Variants in PCDHGA3 observed in about 807,000 individuals in gnomAD.
The protein encoded by PCDHGA3 is protocadherin gamma-A3.
Under a neutral mutation model 58.5 loss-of-function variants are expected in PCDHGA3, and 40 were observed. The observed-to-expected ratio is 0.68, with a 90% CI of 0.53 to 0.89. The LOEUF is 0.89. PCDHGA3 is among the 40% of genes least tolerant of loss of function. PCDHGA3 has a pLI of 0.00. For synonymous variants in PCDHGA3, 530 were observed against 525.7 expected, an observed-to-expected ratio of 1.01 and a Z score of -0.11; for missense variants, 1,223 against 1,195.9, an observed-to-expected ratio of 1.02 and a Z score of -0.33.
At position 141,423,606 on chromosome 5, in the gene PCDHGA3, G is replaced by A. The variant is rs945897368; in HGVS notation, c.2425-71201G>A. 9 of 1,612,046 alleles carry A rather than the reference G, an allele frequency of 5.6e-6. No individual in the cohort carries two copies. In the Admixed American group the frequency reaches 1.0e-4, roughly 18 times the overall value. On this transcript the variant is annotated intron_variant, in intron 1 of 3. Transcript: ENST00000253812. ...GCTGTGAGAAAAGCGAGCCACTCTT[G>A]ATAGCTGAAGACTCAGCTATCATTT...
At chr5:141,351,673 C>A in intron 1 of PCDHGA3, 3 of 1,614,004 alleles carry the variant, frequency 1.9e-6, no homozygotes, top group South Asian at 1.1e-5. Flanking sequence ...CACAAGTAAG[C>A]GCCTCCGACC....
In PCDHGA3 at chr5:141,489,365, G is replaced by A. The variant is rs774363104; in HGVS notation, c.2425-5442G>A. ...TCAGTGGTGGAGGAGTCTGAGCCGG[G>A]GACGCTGGTGGGGAATGTTGCTCAG... On this transcript the variant is annotated intron_variant, in intron 1 of 3. Transcript: ENST00000253812. The surrounding 1 kb of genome is among the most constrained non-coding windows in gnomAD (Gnocchi z 4.5). The A allele has an allele frequency of 6.2e-7, 1 of 1,613,512 alleles. No individual in the cohort carries two copies.
At chr5:141,394,847 G>T in intron 1 of PCDHGA3, 1 of 1,613,848 alleles carries the variant, frequency 6.2e-7, no homozygotes, top group South Asian at 1.1e-5. Context: ...TGGGCAGTCT[G>T]AAGCCTTCGG....
intron 1 of PCDHGA3, among the ~76,000 whole-genome samples, chr5:141,436,181 T>A (rs1050736907): frequency 1.3e-5 from 2 of 152,092 alleles, no homozygotes; most frequent in African/African-American, 4.8e-5. Context: ...TCATATATAG[T>A]CAAATAGAAA....
intron 1 of PCDHGA3, chr5:141,418,768 T>C (rs1216316680): frequency 6.2e-7 from 1 of 1,613,712 alleles, no homozygotes; most frequent in Non-Finnish European, 8.5e-7. Context: ...ACATTCTAAC[T>C]CAGCAGCCTT....
At position 141,343,889 on chromosome 5, in the gene PCDHGA3, G is replaced by C. The variant is rs560158905; in HGVS notation, c.-145G>C. On this transcript the variant is annotated 5_prime_UTR_variant, in exon 1 of 4. Coordinates refer to ENST00000253812, the MANE Select transcript of PCDHGA3 (RefSeq NM_018916.4). ...AAATCAGACTCAGAAGATCCGGGGC[G>C]GCTGCCAACCTCACCTCTTAGTCAA... 4.4e-6 allele frequency: 3 copies of C among 677,326 alleles called. No homozygotes were observed. The highest frequency in any genetic ancestry group is 6.3e-5 in the Admixed American group (2 of 31,904). The allele number at this position is 677,326 out of a possible 1,614,324, so 42.0% of individuals were successfully genotyped here.
rs576983336 is a variant in PCDHGA3, at chr5:141,489,165, G to A, written c.2425-5642G>A. 5.8e-4 allele frequency: 625 copies of A among 1,082,080 alleles called. 8 individuals are homozygous for A. The South Asian group carries it at 7.9e-3, about 14-fold the overall frequency. The allele number at this position is 1,082,080 out of a possible 1,614,324, so 67.0% of individuals were successfully genotyped here. On this transcript the variant is annotated intron_variant, in intron 1 of 3. Transcript: ENST00000253812. The surrounding 1 kb of genome is among the most constrained non-coding windows in gnomAD (Gnocchi z 4.5). ...GAAGGAGACATAAGAGACTTCAGCT[G>A]CTGCATTCCAAGCCCTGGGTCTACC...
chr5:141,416,233 C>T (rs1313671195), intron 1 of PCDHGA3: 1 of 152,210 alleles, frequency 6.6e-6, no homozygotes, highest in Non-Finnish European at 1.5e-5. Flanking sequence ...ATTTTTCCAG[C>T]CCTATTTATA....
chr5:141,415,408 G>T, intron 1 of PCDHGA3: 1 of 1,614,224 alleles, frequency 6.2e-7, no homozygotes, highest in Non-Finnish European at 8.5e-7. Context: ...CTCGCACTTT[G>T]TGGGCGTGGA....
chr5:141,491,071 C>A lies in PCDHGA3; in HGVS notation c.2425-3736C>A, dbSNP rs987564933. ...TGCGTGGCTCTCCTACTCACTGTTG[C>A]CACAGTCCACAGCCCCAGGACTGTT... On this transcript the variant is annotated intron_variant, in intron 1 of 3. Transcript: ENST00000253812. This position sits in a 1 kb window ranked among gnomAD's most constrained non-coding sequence, Gnocchi z 6.9. 2 of 1,614,034 alleles carry A rather than the reference C, an allele frequency of 1.2e-6. No individual in the cohort carries two copies. The highest frequency in any genetic ancestry group is 1.7e-6 in the Non-Finnish European group (2 of 1,180,036).
intron 1 of PCDHGA3, among the ~76,000 whole-genome samples, chr5:141,402,311 A>G (rs1174114133): frequency 1.3e-5 from 2 of 152,022 alleles, no homozygotes; most frequent in Non-Finnish European, 2.9e-5. Flanking sequence ...ATACAATTAT[A>G]TATTTTACAT....
rs375080564 is a variant in PCDHGA3 at position 141,486,676 on chromosome 5, T to C, written c.2425-8131T>C. On this transcript the variant is annotated intron_variant, in intron 1 of 3. Transcript: ENST00000253812. The surrounding 1 kb of genome is among the most constrained non-coding windows in gnomAD (Gnocchi z 5.0). ...CACTCCTGGAGCCCAGGAATCGAGA[T>C]GTATCAGCTTCCTCTTTCATCTCTC... The C allele has an allele frequency of 6.2e-7, 1 of 1,614,120 alleles. No homozygotes were observed. The highest frequency in any genetic ancestry group is 1.7e-5 in the Admixed American group (1 of 60,032).
intron 1 of PCDHGA3, chr5:141,478,860 A>C: frequency 1.9e-5 from 25 of 1,331,544 alleles, no homozygotes; most frequent in Middle Eastern, 2.6e-4. Context: ...ACAAGATCTC[A>C]GCGATCAGAG....
At position 141,404,735 on chromosome 5, in the gene PCDHGA3, G is replaced by A. The variant is rs2094561317; in HGVS notation, c.2424+58278G>A. The stretch of plus-strand genomic sequence containing the variant: ...CCTGGTGACCAAGGTGGTGGCAGTG[G>A]ACAGAGACTCAGGCCAGAATGCTTG... On this transcript the variant is annotated intron_variant, in intron 1 of 3. Transcript: ENST00000253812. 6.2e-7 allele frequency: 1 copy of A among 1,614,014 alleles called. No homozygotes were observed. The highest frequency in any genetic ancestry group is 8.5e-7 in the Non-Finnish European group (1 of 1,180,032).
chr5:141,437,434 G>A (rs183505868), intron 1 of PCDHGA3, among the ~76,000 whole-genome samples: 409 of 152,312 alleles, frequency 2.7e-3, no homozygotes, highest in Middle Eastern at 6.8e-3. Flanking sequence ...AGCAGCAATA[G>A]CATAGGAATG....
chr5:141,424,966 T>G (rs913951031), intron 1 of PCDHGA3, among the ~76,000 whole-genome samples: 17 of 152,174 alleles, frequency 1.1e-4, no homozygotes, highest in African/African-American at 3.9e-4. Flanking sequence ...TTGCCCCAAA[T>G]TACTTGGATA....
At chr5:141,413,820 C>T in intron 1 of PCDHGA3, 1 of 1,613,204 alleles carries the variant, frequency 6.2e-7, no homozygotes, top group Non-Finnish European at 8.5e-7. Flanking sequence ...ACCACCTGGT[C>T]CTCACCGCCT....
intron 3 of PCDHGA3, 118 bp downstream of exon 3, chr5:141,505,599 G>A (rs936757644): frequency 1.5e-5 from 23 of 1,555,468 alleles, no homozygotes; most frequent in South Asian, 2.4e-5. Flanking sequence ...CAGATCTTTC[G>A]GCAGGTCTGA....
At position 141,493,726 on chromosome 5, in the gene PCDHGA3, G is replaced by C. The variant is rs1032021616; in HGVS notation, c.2425-1081G>C. ...CTGGAATGCTAGGTTTCTGGGTTCT[G>C]CTCATATCACTGCCACCTGTGAGCC... On this transcript the variant is annotated intron_variant, in intron 1 of 3. Coordinates refer to ENST00000253812, the MANE Select transcript of PCDHGA3 (RefSeq NM_018916.4). This position sits in a 1 kb window ranked among gnomAD's most constrained non-coding sequence, Gnocchi z 4.3. Among the ~76,000 whole-genome samples, 2 of 152,154 alleles carry C rather than the reference G, an allele frequency of 1.3e-5. No individual in the cohort carries two copies. Among genetic ancestry groups the C allele is most frequent in the African/African-American group, 4.8e-5 (2 of 41,438 alleles).
Sources: allele counts gnomAD v4.1 joint callset (sites outside exome capture counted in the v4.1 genomes callset), GRCh38; gene constraint gnomAD v4.1.1; non-coding constraint Gnocchi (gnomAD v3.1); transcripts MANE v1.5; gene names NCBI Gene and HGNC (gene_info 2026-07-23, HGNC 2026-07-21).